Variants in ZFHX3 observed in about 807,000 individuals in gnomAD.
ZFHX3 encodes the protein zinc finger homeobox 3.
Under a neutral mutation model 279.1 loss-of-function variants are expected in ZFHX3, and 42 were observed. That is an observed-to-expected ratio of 0.15 (90% CI 0.12 to 0.19). ZFHX3 has a LOEUF of 0.19. Among genes scored for constraint, ZFHX3 ranks in the 10% least tolerant of loss-of-function variants. The pLI, the probability that ZFHX3 is intolerant of heterozygous loss-of-function variation, is 1.00. For synonymous variants in ZFHX3, 2,293 were observed against 1,957.8 expected (o/e 1.17, Z -4.52); for missense variants, 4,981 against 4,754.0 (o/e 1.05, Z -1.40).
chr16:73,719,859 C>G (rs887609894), intron 1 of ZFHX3, among the ~76,000 whole-genome samples: 1 of 151,020 alleles, frequency 6.6e-6, no homozygotes, highest in Non-Finnish European at 1.5e-5. Flanking sequence ...TCTCAAACTC[C>G]CAACCTCAGG....
chr16:73,842,817 G>C (rs1255140599), intron 1 of ZFHX3, among the ~76,000 whole-genome samples: 1 of 152,046 alleles, frequency 6.6e-6, no homozygotes, highest in East Asian at 1.9e-4. Flanking sequence ...AATGCAGAGG[G>C]AGCTGCCCCC....
chr16:73,879,755 G>A (rs186065528), intron 1 of ZFHX3, among the ~76,000 whole-genome samples: 31 of 152,080 alleles, frequency 2.0e-4, no homozygotes, highest in Middle Eastern at 3.4e-3. Flanking sequence ...TTGACATTTG[G>A]GGCCAGATAA....
At chr16:73,851,137 T>A (rs1961585229) in intron 1 of ZFHX3, among the ~76,000 whole-genome samples, 1 of 152,204 alleles carries the variant, frequency 6.6e-6, no homozygotes, top group Non-Finnish European at 1.5e-5. Flanking sequence ...AACGATTTTT[T>A]TCTGCAAAGA....
intron 1 of ZFHX3, among the ~76,000 whole-genome samples, chr16:73,819,537 C>T (rs1184261364): frequency 1.3e-5 from 2 of 152,042 alleles, no homozygotes; most frequent in Non-Finnish European, 2.9e-5. Context: ...AAATGTACAA[C>T]TTTGGGCCAC....
chr16:73,806,412 C>T (rs749085035), intron 1 of ZFHX3, among the ~76,000 whole-genome samples: 2 of 152,164 alleles, frequency 1.3e-5, no homozygotes, highest in African/African-American at 2.4e-5. Flanking sequence ...GAGATGGAGC[C>T]GGAGTGAGAT....
chr16:73,757,855 C>T (rs573280367), intron 1 of ZFHX3, among the ~76,000 whole-genome samples: 1 of 152,280 alleles, frequency 6.6e-6, no homozygotes, highest in East Asian at 1.9e-4. Context: ...AACCTTGATG[C>T]CATTCTGATT....
intron 3 of ZFHX3, among the ~76,000 whole-genome samples, chr16:73,428,472 G>A (rs974399390): frequency 2.0e-5 from 3 of 152,244 alleles, no homozygotes; most frequent in South Asian, 2.1e-4. Flanking sequence ...ACCCCCGACA[G>A]TGAGTTCACC....
chr16:73,502,316 G>A (rs940075877), intron 2 of ZFHX3, among the ~76,000 whole-genome samples: 1 of 152,226 alleles, frequency 6.6e-6, no homozygotes, highest in Non-Finnish European at 1.5e-5. Flanking sequence ...ATGATTAAAG[G>A]TATTGGTTAA....
chr16:73,614,926 A>G (rs994624130), intron 2 of ZFHX3, among the ~76,000 whole-genome samples: 10 of 151,822 alleles, frequency 6.6e-5, no homozygotes, highest in Non-Finnish European at 1.5e-5. Context: ...TGCCCAGCTA[A>G]TTTTTGTAGT....
intron 3 of ZFHX3, among the ~76,000 whole-genome samples, chr16:73,395,082 A>G (rs571477789): frequency 6.6e-6 from 1 of 152,290 alleles, no homozygotes; most frequent in African/African-American, 2.4e-5. Flanking sequence ...TGGGGCTAGG[A>G]GTGCATCTGG....
At chr16:73,741,475 G>T (rs1440185430) in intron 1 of ZFHX3, among the ~76,000 whole-genome samples, 5 of 152,110 alleles carry the variant, frequency 3.3e-5, no homozygotes, top group African/African-American at 1.2e-4. Context: ...CTCCCATGCT[G>T]CACGTGTGCT....
At chr16:73,112,323 G>T (rs186465207) in intron 7 of ZFHX3, among the ~76,000 whole-genome samples, 435 of 152,186 alleles carry the variant, frequency 2.9e-3, no homozygotes, top group Non-Finnish European at 4.7e-3. Flanking sequence ...CGGAAGGAAG[G>T]GAAGAAGGGC....
intron 2 of ZFHX3, among the ~76,000 whole-genome samples, chr16:73,510,721 C>G (rs539156091): frequency 7.9e-4 from 120 of 152,342 alleles, no homozygotes; most frequent in African/African-American, 2.7e-3. Flanking sequence ...TCAGATTTCT[C>G]TTTAACAAGG....
chr16:73,613,615 C>G (rs908210282), intron 2 of ZFHX3, among the ~76,000 whole-genome samples: 1 of 152,100 alleles, frequency 6.6e-6, no homozygotes, highest in Non-Finnish European at 1.5e-5. Context: ...ATTGCCCTAG[C>G]ACAGGCCTGA....
intron 1 of ZFHX3, among the ~76,000 whole-genome samples, chr16:72,961,769 TACAC>T (rs973455047): frequency 1.3e-5 from 2 of 152,224 alleles, no homozygotes; most frequent in Non-Finnish European, 2.9e-5. Flanking sequence ...ATGTGTCTAA[TACAC>T]ACATGCAAAC....
intron 2 of ZFHX3, among the ~76,000 whole-genome samples, chr16:73,574,019 CT>C (rs1372478607): frequency 6.6e-6 from 1 of 151,876 alleles, no homozygotes; most frequent in Admixed American, 6.6e-5. Flanking sequence ...TTTTTCCTTT[CT>C]TTTGAAATAA....
At chr16:73,159,031 T>C (rs1468710484) in intron 5 of ZFHX3, among the ~76,000 whole-genome samples, 1 of 152,164 alleles carries the variant, frequency 6.6e-6, no homozygotes. Context: ...AAAGATTTCA[T>C]GAGGAAGATG....
At chr16:72,859,398 G>A (rs529688449) in intron 4 of ZFHX3, among the ~76,000 whole-genome samples, 3 of 152,086 alleles carry the variant, frequency 2.0e-5, no homozygotes, top group East Asian at 1.9e-4. Flanking sequence ...AACCGCTATC[G>A]TCCCAGAGAG....
chr16:73,656,812 T>C (rs1004350315), intron 2 of ZFHX3, among the ~76,000 whole-genome samples: 10 of 152,224 alleles, frequency 6.6e-5, no homozygotes, highest in Admixed American at 1.3e-4. Context: ...TGATTACCCT[T>C]TTCTCATTCT....
Sources: allele counts gnomAD v4.1 joint callset (sites outside exome capture counted in the v4.1 genomes callset), GRCh38; gene constraint gnomAD v4.1.1; transcripts MANE v1.5; gene names NCBI Gene and HGNC (gene_info 2026-07-23, HGNC 2026-07-21).